HENMT1: variants seen among roughly 807,000 people sequenced by gnomAD.
HENMT1 encodes the protein small RNA 2'-O-methyltransferase.
Under a neutral mutation model 31.1 loss-of-function variants are expected in HENMT1, and 27 were observed. The observed-to-expected ratio is 0.87, with a 90% CI of 0.64 to 1.20. The LOEUF (loss-of-function observed/expected upper bound fraction) is 1.20. Ranked by LOEUF, HENMT1 falls within the 50% of genes most tolerant of loss-of-function variation. The pLI is 0.00. For synonymous variants in HENMT1, 167 were observed against 172.2 expected (o/e 0.97, Z 0.24); for missense variants, 438 against 469.6 (o/e 0.93, Z 0.62).
chr1:108,650,250 T>C lies in HENMT1; in HGVS notation c.717A>G (p.Ser239=), dbSNP rs753245492. 2 of 1,614,154 alleles carry C rather than the reference T, an allele frequency of 1.2e-6. No individual in the cohort carries two copies. Among genetic ancestry groups the C allele is most frequent in the Admixed American group, 1.7e-5 (1 of 60,020 alleles). ...GCTGATCATGCTGCTCTGAAAGACA[T>C]GATTCTGTTGCCTTTCCTCCATTTT... ...FRKNGGKATE[S]CLSEQHDQHV... The change falls in exon 7 of 8, where the codon TCA becomes TCG. Residue 239 remains serine (S), a synonymous_variant. Coordinates refer to ENST00000651461, the MANE Select transcript of HENMT1 (RefSeq NM_001102592.2).
chr1:108,651,684 A>G (rs1423356856), intron 5 of HENMT1, among the ~76,000 whole-genome samples: 2 of 151,140 alleles, frequency 1.3e-5, no homozygotes, highest in Non-Finnish European at 3.0e-5. Context: ...AAGGAAGGAA[A>G]GAAAGAAAAG....
Position 108,659,851 on chromosome 1 carries a change from AG to A in HENMT1, c.21+12del. 1.3e-6 allele frequency: 2 copies of A among 1,493,532 alleles called. No homozygotes were observed. The highest frequency in any genetic ancestry group is 1.9e-6 in the Non-Finnish European group (2 of 1,079,882). The allele number at this position is 1,493,532 out of a possible 1,614,324, so 92.5% of individuals were successfully genotyped here. On this transcript the variant is annotated intron_variant, in intron 2 of 7. Coordinates refer to ENST00000651461, the MANE Select transcript of HENMT1 (RefSeq NM_001102592.2). ...TTAAGAGTCAAAGACGCAGCTAAGA[AG>A]GGTGGCATTACCTGTAGATTATTTT...
intron 4 of HENMT1, among the ~76,000 whole-genome samples, 175 bp downstream of exon 4, chr1:108,655,411 T>C (rs1043912729): frequency 1.3e-5 from 2 of 152,210 alleles, no homozygotes; most frequent in African/African-American, 4.8e-5. Context: ...TTTAAGTTGG[T>C]AGCAATAAAA....
intron 7 of HENMT1, 99 bp from the exon 8 acceptor site, chr1:108,649,090 G>A: frequency 1.1e-6 from 1 of 911,432 alleles, no homozygotes; most frequent in Non-Finnish European, 1.6e-6. Context: ...AAGAATAAAT[G>A]TACATATTGA....
intron 7 of HENMT1, 27 bp from the exon 8 acceptor site, chr1:108,649,018 A>C: frequency 6.6e-7 from 1 of 1,526,604 alleles, no homozygotes; most frequent in Non-Finnish European, 8.8e-7. Context: ...AAACACTTAC[A>C]AGTGTATAAT....
intron 3 of HENMT1, 43 bp downstream of exon 3, chr1:108,657,408 T>A: frequency 7.2e-7 from 1 of 1,397,864 alleles, no homozygotes; most frequent in Non-Finnish European, 1.0e-6. Flanking sequence ...ATGACTAGTC[T>A]ACTAGTCTTA....
At chr1:108,651,722 GAGAA>G (rs1183058172) in intron 5 of HENMT1, among the ~76,000 whole-genome samples, 4 of 147,858 alleles carry the variant, frequency 2.7e-5, no homozygotes, top group Non-Finnish European at 3.0e-5. Flanking sequence ...CAGAAAGAAA[GAGAA>G]AGAGAGAGAA....
In HENMT1 at chr1:108,648,749, G is replaced by A; in HGVS notation, c.999C>T (p.Phe333=). The change falls in exon 8 of 8, where the codon TTC becomes TTT. Residue 333 remains phenylalanine, a synonymous_variant. Coordinates refer to ENST00000651461, the MANE Select transcript of HENMT1 (RefSeq NM_001102592.2). ...KAKIENSPTP[F]CVGDKFFVPL... The stretch of plus-strand genomic sequence containing the variant: ...GTACGAAAAATTTATCTCCAACACA[G>A]AAGGGTGTGGGAGAGTTCTCTATCT... 1.2e-6 allele frequency: 2 copies of A among 1,614,164 alleles called. No homozygotes were observed. Among genetic ancestry groups the A allele is most frequent in the East Asian group, 2.2e-5 (1 of 44,880 alleles).
chr1:108,658,026 TAC>T (rs202030587), intron 2 of HENMT1, among the ~76,000 whole-genome samples: 5,620 of 133,796 alleles, frequency 0.042, 139 homozygotes, highest in Middle Eastern at 0.089. Flanking sequence ...TACACACACT[TAC>T]ACACACACAC....
rs773134526 is a variant in HENMT1, at chr1:108,657,473, A to G, written c.128T>C (p.Val43Ala). 6.2e-7 allele frequency: 1 copy of G among 1,609,142 alleles called. No homozygotes were observed. Among genetic ancestry groups the G allele is most frequent in the South Asian group, 1.1e-5 (1 of 90,838 alleles). ...TACCTTCTTAGGCTCATGTTGATCC[A>G]CTAAATTTTTAACGAACTGGTACCG... The part of the protein sequence containing the change: ...RQRYQFVKNL[V>A]DQHEPKKVAD... The change falls in exon 3 of 8, where the codon GTG becomes GCG. Residue 43 changes from valine to alanine, a missense_variant. Transcript: ENST00000651461.
At chr1:108,660,693 G>A (rs573323954) in intron 1 of HENMT1, among the ~76,000 whole-genome samples, 20 of 152,212 alleles carry the variant, frequency 1.3e-4, no homozygotes, top group African/African-American at 4.3e-4. Context: ...GGGAGGCCGA[G>A]GCGGGCGGAT....
intron 2 of HENMT1, among the ~76,000 whole-genome samples, chr1:108,658,148 C>T (rs1323177799): frequency 1.3e-5 from 2 of 150,914 alleles, no homozygotes; most frequent in African/African-American, 4.9e-5. Context: ...TTTTTTCCCC[C>T]CAAGACGGAG....
rs756088873 is a variant in HENMT1 at position 108,659,855 on chromosome 1, T to C, written c.21+9A>G. On this transcript the variant is annotated intron_variant, in intron 2 of 7. Transcript: ENST00000651461. ...GAGTCAAAGACGCAGCTAAGAAGGG[T>C]GGCATTACCTGTAGATTATTTTCTT... 8 of 1,516,374 alleles carry C rather than the reference T, an allele frequency of 5.3e-6. No individual in the cohort carries two copies. The African/African-American group carries it at 1.1e-4, about 21-fold the overall frequency. The allele number at this position is 1,516,374 out of a possible 1,614,324, so 93.9% of individuals were successfully genotyped here.
upstream of HENMT1, chr1:108,661,155 G>C (rs1258621904): frequency 4.3e-6 from 1 of 233,728 alleles, no homozygotes; most frequent in East Asian, 1.8e-4. Context: ...CCGCACCCGC[G>C]CCTCGGCCTC....
chr1:108,660,737 A>C (rs1209349577), intron 1 of HENMT1, among the ~76,000 whole-genome samples: 3 of 151,824 alleles, frequency 2.0e-5, no homozygotes, highest in Non-Finnish European at 4.4e-5. Context: ...ATCCCGGCTA[A>C]AACGGTGAAA....
Position 108,648,649 on chromosome 1 carries a change from C to G in HENMT1, c.1099G>C (p.Ala367Pro). The part of the protein sequence containing the change: ...ANEEMMRSVI[A>P]DSIPLSSDGS... Reference sequence around the variant, plus strand: ...TCACTGCTCAGAGGAATTGAGTCAGCAATGACTGATCTCATCATCTCTTCA... The same window carrying G: ...TCACTGCTCAGAGGAATTGAGTCAGGAATGACTGATCTCATCATCTCTTCA... The change falls in exon 8 of 8, where the codon GCT (alanine) becomes CCT (proline). Residue 367 changes from alanine (A) to proline (P), a missense_variant. Physicochemically the swap from Ala to Pro is conservative, Grantham distance 27. Transcript: ENST00000651461. 4 of 1,614,208 alleles carry G rather than the reference C, an allele frequency of 2.5e-6. No homozygotes were observed. The highest frequency in any genetic ancestry group is 3.4e-6 in the Non-Finnish European group (4 of 1,180,000).
chr1:108,660,378 A>G (rs1658413631), intron 1 of HENMT1, among the ~76,000 whole-genome samples: 1 of 152,162 alleles, frequency 6.6e-6, no homozygotes, highest in Non-Finnish European at 1.5e-5. Context: ...ATACAAACGG[A>G]GCAATCTTAG....
intron 5 of HENMT1, among the ~76,000 whole-genome samples, chr1:108,651,628 A>G (rs1295881828): frequency 2.0e-5 from 3 of 151,952 alleles, no homozygotes; most frequent in Admixed American, 6.6e-5. Context: ...CTGGGTGACA[A>G]GCAAAACTCA....
At position 108,657,437 on chromosome 1, in the gene HENMT1, A is replaced by C; in HGVS notation, c.150+14T>G. 1 of 1,582,948 alleles carries C rather than the reference A, an allele frequency of 6.3e-7. No homozygotes were observed. The highest frequency in any genetic ancestry group is 2.2e-5 in the East Asian group (1 of 44,660). On this transcript the variant is annotated intron_variant, in intron 3 of 7. Transcript: ENST00000651461. ...AGTCTTAATAATTAAATGTTTGGAAAGAGAAATACCTACCTTCTTAGGCTC... is the reference window on the plus strand; with the variant it reads ...AGTCTTAATAATTAAATGTTTGGAACGAGAAATACCTACCTTCTTAGGCTC...
Sources: allele counts gnomAD v4.1 joint callset (sites outside exome capture counted in the v4.1 genomes callset), GRCh38; gene constraint gnomAD v4.1.1; transcripts MANE v1.5; gene names NCBI Gene and HGNC (gene_info 2026-07-23, HGNC 2026-07-21).